Variants in CLEC1A observed in about 807,000 individuals in gnomAD.
CLEC1A encodes C-type lectin domain family 1 member A.
In CLEC1A, 34 loss-of-function variants were observed where a neutral mutation model predicts 28.7. The observed-to-expected ratio is 1.18, with a 90% CI of 0.90 to 1.57. The LOEUF (loss-of-function observed/expected upper bound fraction) is 1.57. Among genes scored for constraint, CLEC1A ranks in the 40% most tolerant of loss-of-function variants. The probability of loss-of-function intolerance (pLI) is 0.00; values close to 1 mark genes in which losing one functional copy is unlikely to be tolerated. For missense variants in CLEC1A, 385 were observed against 339.5 expected, an observed-to-expected ratio of 1.13 and a Z score of -1.05; for synonymous variants, 116 against 121.0, an observed-to-expected ratio of 0.96 and a Z score of 0.27.
rs538692635 is a variant in CLEC1A at position 10,089,170 on chromosome 12, A to G, written c.168T>C (p.Thr56=). 1.1e-5 allele frequency: 18 copies of G among 1,614,122 alleles called. No individual in the cohort carries two copies. In the Admixed American group the frequency reaches 2.8e-4, roughly 25 times the overall value. ...TWRPVALTLL[T]LCLVLLIGLA... ...GCCCTATCAGCAGCACCAAGCACAA[A>G]GTCAGCAGGGTCAGGGCCACTGGTC... Residue 56 remains threonine, a synonymous_variant, in exon 2 of 6, where the codon ACT becomes ACC. Coordinates refer to ENST00000315330, the MANE Select transcript of CLEC1A (RefSeq NM_016511.4).
At chr12:10,080,680 G>GA (rs763975432) in intron 3 of CLEC1A, among the ~76,000 whole-genome samples, 1 of 152,216 alleles carries the variant, frequency 6.6e-6, no homozygotes, top group African/African-American at 2.4e-5. Flanking sequence ...CACTCACACT[G>GA]AAGCGATGCT....
chr12:10,083,987 A>G (rs3887490), intron 2 of CLEC1A, among the ~76,000 whole-genome samples: 118,923 of 151,832 alleles, frequency 0.78, 47,930 homozygotes, highest in Middle Eastern at 0.88. Context: ...CCAATCTGAC[A>G]AAGACAAAGA....
intron 1 of CLEC1A, among the ~76,000 whole-genome samples, chr12:10,093,004 T>A (rs992377014): frequency 1.3e-5 from 2 of 152,152 alleles, no homozygotes; most frequent in Non-Finnish European, 2.9e-5. Flanking sequence ...AGGGAGTTCA[T>A]CTTCCAGGAA....
intron 2 of CLEC1A, among the ~76,000 whole-genome samples, chr12:10,082,237 C>G (rs933702154): frequency 6.6e-6 from 1 of 151,856 alleles, no homozygotes; most frequent in Non-Finnish European, 1.5e-5. Flanking sequence ...TGGGGAGCGG[C>G]GTGGCCTGAA....
intron 1 of CLEC1A, among the ~76,000 whole-genome samples, chr12:10,090,542 G>A (rs1214403541): frequency 6.6e-6 from 1 of 152,108 alleles, no homozygotes; most frequent in Non-Finnish European, 1.5e-5. Flanking sequence ...GGGATTACAG[G>A]CATGAGCCAC....
intron 3 of CLEC1A, among the ~76,000 whole-genome samples, chr12:10,077,745 A>T (rs1159334591): frequency 1.3e-5 from 2 of 152,146 alleles, no homozygotes; most frequent in Non-Finnish European, 2.9e-5. Context: ...ATCCAAAGAA[A>T]AGGCTAATCG....
In CLEC1A at chr12:10,073,291, A is replaced by G. The variant is rs1866176083; in HGVS notation, c.662+2T>C. 1.3e-6 allele frequency: 2 copies of G among 1,599,150 alleles called. No individual in the cohort carries two copies. The highest frequency in any genetic ancestry group is 1.7e-6 in the Non-Finnish European group (2 of 1,166,820). ...TTCCCATAAAATATCCTGAAGGCTTACAGTTCAGAAGTGAAAGGGGTTCCA... is the reference window on the plus strand; with the variant it reads ...TTCCCATAAAATATCCTGAAGGCTTGCAGTTCAGAAGTGAAAGGGGTTCCA... On this transcript the variant is annotated splice_donor_variant, in intron 5 of 5. Transcript: ENST00000315330. LOFTEE classifies it high-confidence loss of function.
chr12:10,083,307 T>C (rs974958461), intron 2 of CLEC1A, among the ~76,000 whole-genome samples: 1 of 152,100 alleles, frequency 6.6e-6, no homozygotes. Flanking sequence ...CAAAACAGGA[T>C]TCTATAGCAC....
At position 10,073,272 on chromosome 12, in the gene CLEC1A, TA is replaced by T; in HGVS notation, c.662+20del. 1 of 1,552,678 alleles carries T rather than the reference TA, an allele frequency of 6.4e-7. No individual in the cohort carries two copies. Among genetic ancestry groups the T allele is most frequent in the Non-Finnish European group, 8.9e-7 (1 of 1,128,086 alleles). On this transcript the variant is annotated intron_variant, in intron 5 of 5. Coordinates refer to ENST00000315330, the MANE Select transcript of CLEC1A (RefSeq NM_016511.4). ...ATATCTTTGTTAAATGCCTTTCCCA[TA>T]AAATATCCTGAAGGCTTACAGTTCA...
intron 3 of CLEC1A, among the ~76,000 whole-genome samples, chr12:10,077,957 T>C (rs73248115): frequency 0.038 from 5,739 of 152,262 alleles, 371 homozygotes; most frequent in African/African-American, 0.13. Flanking sequence ...CACATCTCTA[T>C]GCTTCTAGTT....
intron 2 of CLEC1A, among the ~76,000 whole-genome samples, chr12:10,087,519 T>TTG (rs1445776856): frequency 1.3e-4 from 16 of 127,014 alleles, no homozygotes; most frequent in Middle Eastern, 3.9e-3. Flanking sequence ...TATATATATA[T>TTG]TTGTTTTTTT....
At chr12:10,077,163 T>C (rs1866268121) in intron 3 of CLEC1A, among the ~76,000 whole-genome samples, 1 of 152,158 alleles carries the variant, frequency 6.6e-6, no homozygotes, top group Non-Finnish European at 1.5e-5. Flanking sequence ...TTATGTGAAA[T>C]AGGTAGTGAT....
chr12:10,088,802 C>T (rs1281291741), intron 2 of CLEC1A, among the ~76,000 whole-genome samples: 1 of 152,044 alleles, frequency 6.6e-6, no homozygotes, highest in Admixed American at 6.6e-5. Context: ...ACCTCTGATA[C>T]CCTAGTCTTT....
At chr12:10,073,574 A>G (rs1210529503) in intron 4 of CLEC1A, among the ~76,000 whole-genome samples, 163 bp from the exon 5 acceptor site, 1 of 152,268 alleles carries the variant, frequency 6.6e-6, no homozygotes, top group Non-Finnish European at 1.5e-5. Flanking sequence ...GAGGCCAGTC[A>G]GAAATTTGTC....
chr12:10,073,436 T>G (rs1353771242), intron 4 of CLEC1A, 25 bp from the exon 5 acceptor site: 1 of 1,575,226 alleles, frequency 6.3e-7, no homozygotes, highest in African/African-American at 1.4e-5. Context: ...TAAGAAAAGC[T>G]TTAGCTTTGG....
At chr12:10,073,729 G>C (rs1406055016) in intron 4 of CLEC1A, among the ~76,000 whole-genome samples, 1 of 152,140 alleles carries the variant, frequency 6.6e-6, no homozygotes, top group African/African-American at 2.4e-5. Flanking sequence ...AAAAATATGA[G>C]GGAAAGACTA....
chr12:10,091,653 C>T (rs188512909), intron 1 of CLEC1A, among the ~76,000 whole-genome samples: 3 of 76,090 alleles, frequency 3.9e-5, no homozygotes, highest in African/African-American at 1.1e-4. Flanking sequence ...ATCAGCAGAA[C>T]ATAAAAAAAA....
intron 1 of CLEC1A, among the ~76,000 whole-genome samples, chr12:10,097,142 T>C (rs1255742757): frequency 6.6e-6 from 1 of 152,224 alleles, no homozygotes; most frequent in Admixed American, 6.5e-5. Flanking sequence ...TTGTTTGGCA[T>C]TTTTACTATC....
chr12:10,085,807 A>G (rs967714132), intron 2 of CLEC1A, among the ~76,000 whole-genome samples: 2 of 152,184 alleles, frequency 1.3e-5, no homozygotes, highest in African/African-American at 4.8e-5. Context: ...GAAACAGTGG[A>G]CTTAAAACTA....
Sources: gnomAD v4.1 joint callset for allele counts (sites outside exome capture counted in the v4.1 genomes callset) on GRCh38, gnomAD v4.1.1 for gene constraint, MANE v1.5 for transcripts, NCBI Gene and HGNC (gene_info 2026-07-23, HGNC 2026-07-21) for gene names.